Variants in CD72 observed in about 807,000 individuals in gnomAD.
The protein encoded by CD72 is B-cell differentiation antigen CD72.
CD72 carries 28 observed loss-of-function variants against 50.7 expected under a neutral mutation model. The observed-to-expected ratio is 0.55, with a 90% CI of 0.41 to 0.76. The LOEUF is 0.76. Among genes scored for constraint, CD72 ranks in the 30% least tolerant of loss-of-function variants. The pLI is 0.00. For missense variants in CD72, 403 were observed against 420.6 expected (o/e 0.96, Z 0.37); for synonymous variants, 176 against 171.2 (o/e 1.03, Z -0.22).
chr9:35,630,093 G>A (rs989736449), intron 1 of CD72, among the ~76,000 whole-genome samples: 4 of 147,234 alleles, frequency 2.7e-5, no homozygotes, highest in African/African-American at 1.0e-4. Flanking sequence ...AGGCTGGAGT[G>A]CAGCCGCGCG....
upstream of CD72, among the ~76,000 whole-genome samples, chr9:35,619,096 T>C (rs370256658): frequency 1.3e-3 from 202 of 152,302 alleles, no homozygotes; most frequent in South Asian, 1.9e-3. Flanking sequence ...GACATTTTCT[T>C]GGTTTGGTTT....
intron 1 of CD72, among the ~76,000 whole-genome samples, chr9:35,645,363 C>A (rs1823381838): frequency 6.6e-6 from 1 of 152,116 alleles, no homozygotes; most frequent in Non-Finnish European, 1.5e-5. Flanking sequence ...GGGTGGATCA[C>A]TTGAGGTCAG....
chr9:35,613,268 C>T (rs1457939043), intron 5 of CD72, among the ~76,000 whole-genome samples: 2 of 152,056 alleles, frequency 1.3e-5, no homozygotes, highest in African/African-American at 4.8e-5. Context: ...AATTGCAGTC[C>T]ACCCTGACAC....
At chr9:35,645,199 C>CA (rs539705878) in intron 1 of CD72, among the ~76,000 whole-genome samples, 30,909 of 94,788 alleles carry the variant, frequency 0.33, 4,283 homozygotes, top group Non-Finnish European at 0.37. Flanking sequence ...AACTCCGTCT[C>CA]AAAAAAAAAA....
chr9:35,614,888 G>C (rs1823043122), intron 5 of CD72, among the ~76,000 whole-genome samples: 1 of 151,816 alleles, frequency 6.6e-6, no homozygotes, highest in Non-Finnish European at 1.5e-5. Context: ...CCCATGTTAG[G>C]TAGGGAGAGA....
intron 1 of CD72, among the ~76,000 whole-genome samples, chr9:35,626,828 T>C (rs961419721): frequency 2.2e-4 from 33 of 152,298 alleles, no homozygotes; most frequent in African/African-American, 7.5e-4. Flanking sequence ...ACTGCACACT[T>C]AATAGACTAC....
At chr9:35,632,595 G>A (rs984881357) in intron 1 of CD72, among the ~76,000 whole-genome samples, 10 of 134,632 alleles carry the variant, frequency 7.4e-5, no homozygotes, top group African/African-American at 2.8e-4. Flanking sequence ...TTTTTTTTTC[G>A]AGAGGGAGCC....
At chr9:35,641,137 T>C (rs1823336388) in intron 1 of CD72, among the ~76,000 whole-genome samples, 1 of 152,196 alleles carries the variant, frequency 6.6e-6, no homozygotes, top group Non-Finnish European at 1.5e-5. Context: ...CTGTAACTGC[T>C]TCCTGCTGAA....
chr9:35,643,176 C>T (rs947159038), intron 1 of CD72: 1 of 152,284 alleles, frequency 6.6e-6, no homozygotes, highest in African/African-American at 2.4e-5. Context: ...GGGATTCCTC[C>T]TAGGCCGTGC....
chr9:35,616,115 C>T lies in CD72; in HGVS notation c.516G>A (p.Gln172=), dbSNP rs377091391. 2.7e-5 allele frequency: 43 copies of T among 1,614,054 alleles called. No individual in the cohort carries two copies. The highest frequency in any genetic ancestry group is 3.6e-5 in the Non-Finnish European group (42 of 1,180,058). Residue 172 remains glutamine, a synonymous_variant, in exon 5 of 9, where the codon CAG becomes CAA. Coordinates refer to ENST00000259633, the MANE Select transcript of CD72 (RefSeq NM_001782.3). Reference sequence around the variant, plus strand: ...CCGCCTGATGAGCCCTCTGTTCCACCTGTAGTGCTTCCTGACTCTGCGCCA... The same window carrying T: ...CCGCCTGATGAGCCCTCTGTTCCACTTGTAGTGCTTCCTGACTCTGCGCCA... ...RELAQSQEAL[Q]VEQRAHQAAE... is the part of the protein sequence containing the mutation.
At chr9:35,642,295 A>C (rs1823347817) in intron 1 of CD72, among the ~76,000 whole-genome samples, 1 of 152,264 alleles carries the variant, frequency 6.6e-6, no homozygotes, top group East Asian at 1.9e-4. Context: ...GCACAGTCGC[A>C]GCACTGGCCC....
chr9:35,616,227 G>T lies in CD72; in HGVS notation c.404C>A (p.Thr135Asn), dbSNP rs199874174. The T allele has an allele frequency of 2.8e-5, 45 of 1,614,044 alleles. No individual in the cohort carries two copies. Among genetic ancestry groups the T allele is most frequent in the Admixed American group, 1.0e-4 (6 of 60,004 alleles). The change falls in exon 5 of 9, where the codon ACT (threonine) becomes AAT (asparagine). Residue 135 changes from threonine to asparagine, a missense_variant. Physicochemically the swap from Thr to Asn is moderately conservative, Grantham distance 65. Coordinates refer to ENST00000259633, the MANE Select transcript of CD72 (RefSeq NM_001782.3). Reference protein sequence around the residue: ...LQQTNRVLEVTNSSLRQQLRL... With the variant: ...LQQTNRVLEVNNSSLRQQLRL... ...GAGCTGCTGCCTCAGGCTGCTGTTA[G>T]TGACTTCCAGAACCCTGTTCGTCTG... is the stretch of plus-strand genomic sequence containing the variant.
exon 1 of CD72, chr9:35,646,409 G>A (rs1823393382): frequency 6.6e-6 from 1 of 152,252 alleles, no homozygotes; most frequent in African/African-American, 2.4e-5. Flanking sequence ...GTACCTGGAG[G>A]TGGAGACGGG....
chr9:35,641,670 A>T (rs1325899857), intron 1 of CD72, among the ~76,000 whole-genome samples: 1 of 151,826 alleles, frequency 6.6e-6, no homozygotes, highest in African/African-American at 2.4e-5. Flanking sequence ...CCTGGAGGGG[A>T]TTACCTCATA....
intron 1 of CD72, among the ~76,000 whole-genome samples, chr9:35,631,989 T>C (rs1823250431): frequency 6.6e-6 from 1 of 152,150 alleles, no homozygotes; most frequent in Non-Finnish European, 1.5e-5. Flanking sequence ...GAATGCAGTA[T>C]TTCCCAAAAG....
At position 35,639,784 on chromosome 9, in the gene CD72, T is replaced by C. The variant is rs1823322737; in HGVS notation, n.408+6619A>G. 2.0e-5 allele frequency among the ~76,000 whole-genome samples: 3 copies of C among 152,318 alleles called. No individual in the cohort carries two copies. In the South Asian group the frequency reaches 6.2e-4, roughly 32 times the overall value. ...CCCTATTTGCCTTTTTGCAACAATATGGCAGGTTGTTTACATGCTGGCTGG... is the reference window on the plus strand; with the variant it reads ...CCCTATTTGCCTTTTTGCAACAATACGGCAGGTTGTTTACATGCTGGCTGG... On this transcript the variant is annotated intron_variant and non_coding_transcript_variant, in intron 1 of 3. Coordinates refer to the CD72 transcript ENST00000465754.
intron 1 of CD72, among the ~76,000 whole-genome samples, chr9:35,638,792 C>A (rs542861577): frequency 7.2e-5 from 11 of 151,802 alleles, no homozygotes; most frequent in African/African-American, 2.2e-4. Context: ...CCCGAGAGGA[C>A]CCCCAAAGGA....
chr9:35,631,806 C>T, intron 1 of CD72, among the ~76,000 whole-genome samples: 1 of 152,112 alleles, frequency 6.6e-6, no homozygotes, highest in Non-Finnish European at 1.5e-5. Context: ...AGGAGAATGG[C>T]GTGAACCCGG....
intron 1 of CD72, among the ~76,000 whole-genome samples, chr9:35,631,461 C>G (rs1823245245): frequency 6.6e-6 from 1 of 152,114 alleles, no homozygotes; most frequent in South Asian, 2.1e-4. Flanking sequence ...GTTTTAGTAA[C>G]TAGTCTTTAT....
Sources: gnomAD v4.1 joint callset for allele counts (sites outside exome capture counted in the v4.1 genomes callset) on GRCh38, gnomAD v4.1.1 for gene constraint, MANE v1.5 for transcripts, NCBI Gene and HGNC (gene_info 2026-07-23, HGNC 2026-07-21) for gene names.